The following SLC10A1 variants were observed in gnomAD, a reference collection of about 807,000 sequenced individuals.
SLC10A1 encodes the protein solute carrier family 10 member 1, also known as hepatic sodium/bile acid cotransporter.
SLC10A1 carries 36 observed loss-of-function variants against 20.5 expected under a neutral mutation model. That is an observed-to-expected ratio of 1.75 (90% CI 1.34 to 2.32). The LOEUF is 2.32. Among genes scored for constraint, SLC10A1 ranks in the 30% most tolerant of loss-of-function variants. The probability of loss-of-function intolerance (pLI) is 0.00; values close to 1 mark genes in which losing one functional copy is unlikely to be tolerated. For synonymous variants in SLC10A1, 188 were observed against 163.6 expected, an observed-to-expected ratio of 1.15 and a Z score of -1.14; for missense variants, 545 against 439.1, an observed-to-expected ratio of 1.24 and a Z score of -2.16.
intron 2 of SLC10A1, among the ~76,000 whole-genome samples, chr14:69,783,711 A>G (rs576922285): frequency 3.3e-5 from 5 of 152,304 alleles, no homozygotes; most frequent in African/African-American, 1.2e-4. Flanking sequence ...TCACATCTTC[A>G]CCCTCAGGTT....
In SLC10A1 at chr14:69,775,551, G is replaced by T. The variant is rs1457084884; in HGVS notation, c.*731C>A. On this transcript the variant is annotated 3_prime_UTR_variant, in exon 5 of 5. Transcript: ENST00000216540. ...CTGTACCCAGTTTTGGGGGCGCCTTGTGTTAAAACCAAATACCTACTGAAC... is the reference window on the plus strand; with the variant it reads ...CTGTACCCAGTTTTGGGGGCGCCTTTTGTTAAAACCAAATACCTACTGAAC... The T allele has an allele frequency of 1.3e-5, 2 of 152,182 alleles. No individual in the cohort carries two copies. Among genetic ancestry groups the T allele is most frequent in the Non-Finnish European group, 2.9e-5 (2 of 68,042 alleles). 9.4% of individuals were successfully genotyped at this position (152,182 alleles called of 1,614,324 possible). A position where few individuals can be genotyped will look rare whatever the true frequency, so the allele number is the denominator to read the frequency against.
At chr14:69,778,202 C>A (rs1883494087) in intron 4 of SLC10A1, 131 bp downstream of exon 4, 3 of 667,524 alleles carry the variant, frequency 4.5e-6, no homozygotes, top group Non-Finnish European at 7.5e-6. Flanking sequence ...CTTCTTGGGG[C>A]TACCTGGTTC....
In SLC10A1 at chr14:69,776,053, C is replaced by T. The variant is rs1883437777; in HGVS notation, c.*229G>A. The T allele has an allele frequency of 3.7e-6, 2 of 534,642 alleles. No individual in the cohort carries two copies. Among genetic ancestry groups the T allele is most frequent in the African/African-American group, 3.8e-5 (2 of 52,376 alleles). The allele number at this position is 534,642 out of a possible 1,614,324, so 33.1% of individuals were successfully genotyped here. ...TCTGGTTTCATAGAGTTTACAGTCA[C>T]TGAACAAGTCTTTAAAATAAGTAGC... is the stretch of plus-strand genomic sequence containing the variant. On this transcript the variant is annotated 3_prime_UTR_variant, in exon 5 of 5. Coordinates refer to ENST00000216540, the MANE Select transcript of SLC10A1 (RefSeq NM_003049.4).
At chr14:69,792,475 C>A (rs142237812) in intron 1 of SLC10A1, among the ~76,000 whole-genome samples, 1 of 152,132 alleles carries the variant, frequency 6.6e-6, no homozygotes, top group East Asian at 1.9e-4. Flanking sequence ...CCCATGAAAT[C>A]AAATTTAAAA....
At chr14:69,783,639 C>T (rs1436869056) in intron 2 of SLC10A1, among the ~76,000 whole-genome samples, 3 of 152,112 alleles carry the variant, frequency 2.0e-5, no homozygotes, top group Admixed American at 1.3e-4. Context: ...TTTAAACTAT[C>T]CTAGGGGGAA....
intron 2 of SLC10A1, 34 bp from the exon 3 acceptor site, chr14:69,779,394 A>T (rs1883536162): frequency 6.4e-7 from 1 of 1,572,994 alleles, no homozygotes; most frequent in South Asian, 1.1e-5. Context: ...CAATTAGAAG[A>T]GTTGGGGATA....
chr14:69,788,757 A>G (rs1224636819), intron 1 of SLC10A1, among the ~76,000 whole-genome samples: 1 of 152,070 alleles, frequency 6.6e-6, no homozygotes, highest in Non-Finnish European at 1.5e-5. Context: ...CGTGTTAGCC[A>G]GGATAGTCTC....
chr14:69,792,038 G>C (rs1331480864), intron 1 of SLC10A1, among the ~76,000 whole-genome samples: 1 of 150,962 alleles, frequency 6.6e-6, no homozygotes, highest in Non-Finnish European at 1.5e-5. Flanking sequence ...TGCAACCTCT[G>C]CCTCCTGGGT....
At position 69,786,149 on chromosome 14, in the gene SLC10A1, A is replaced by G. The variant is rs756182169; in HGVS notation, c.515T>C (p.Ile172Thr). Residue 172 changes from isoleucine to threonine, a missense_variant, in exon 2 of 5, where the codon ATA (isoleucine) becomes ACA (threonine). By Grantham distance (89) the Ile-to-Thr change is moderately conservative. Coordinates refer to ENST00000216540, the MANE Select transcript of SLC10A1 (RefSeq NM_003049.4). ...SLVLVLIPCT[I>T]GIVLKSKRPQ... ...CCGTTTGGATTTGAGGACGATCCCT[A>G]TGGTGCAAGGAATGAGAACCAGGAC... 1.8e-5 allele frequency: 29 copies of G among 1,613,984 alleles called. No individual in the cohort carries two copies. Among genetic ancestry groups the G allele is most frequent in the Middle Eastern group, 1.6e-4 (1 of 6,084 alleles).
At position 69,778,336 on chromosome 14, in the gene SLC10A1, T is replaced by C. The variant is rs72547506; in HGVS notation, c.940A>G (p.Lys314Glu). ...FWCYEKFKTP[K>E]DKTKMIYTAA... Reference sequence around the variant, plus strand: ...TGGGGATAATTTCAGTACTCACCCTTGGGAGTCTTGAATTTCTCATAGCAC... The same window carrying C: ...TGGGGATAATTTCAGTACTCACCCTCGGGAGTCTTGAATTTCTCATAGCAC... The change falls in exon 4 of 5, where the codon AAG (lysine) becomes GAG (glutamate). Residue 314 changes from lysine to glutamate, a missense_variant. By Grantham distance (56) the Lys-to-Glu change is moderately conservative. Coordinates refer to ENST00000216540, the MANE Select transcript of SLC10A1 (RefSeq NM_003049.4). The C allele has an allele frequency of 1.9e-6, 3 of 1,601,118 alleles. No individual in the cohort carries two copies. The highest frequency in any genetic ancestry group is 1.7e-5 in the Admixed American group (1 of 58,628).
chr14:69,775,564 A>G lies in SLC10A1; in HGVS notation c.*718T>C, dbSNP rs1883427297. ...TGGGGGCGCCTTGTGTTAAAACCAA[A>G]TACCTACTGAACTTAAAAAAGAGAT... On this transcript the variant is annotated 3_prime_UTR_variant, in exon 5 of 5. Coordinates refer to ENST00000216540, the MANE Select transcript of SLC10A1 (RefSeq NM_003049.4). 6.6e-6 allele frequency: 1 copy of G among 152,180 alleles called. No individual in the cohort carries two copies. The highest frequency in any genetic ancestry group is 6.5e-5 in the Admixed American group (1 of 15,282). 9.4% of individuals were successfully genotyped at this position (152,180 alleles called of 1,614,324 possible).
rs535616311 is a variant in SLC10A1 at position 69,786,090 on chromosome 14, T to C, written c.567+7A>G. 2.5e-6 allele frequency: 4 copies of C among 1,613,212 alleles called. No individual in the cohort carries two copies. The Admixed American group carries it at 5.0e-5, about 20-fold the overall frequency. On this transcript the variant is annotated splice_region_variant and intron_variant, in intron 2 of 4. Coordinates refer to ENST00000216540, the MANE Select transcript of SLC10A1 (RefSeq NM_003049.4). Reference sequence around the variant, plus strand: ...GCCCTAATTTGTCAAGCCTCCCAGGTTCTTACCTTGATGACATAGCGCATG... The same window carrying C: ...GCCCTAATTTGTCAAGCCTCCCAGGCTCTTACCTTGATGACATAGCGCATG...
intron 2 of SLC10A1, among the ~76,000 whole-genome samples, chr14:69,785,540 A>C (rs1252038063): frequency 1.3e-5 from 2 of 148,920 alleles, no homozygotes; most frequent in African/African-American, 5.0e-5. Context: ...TTGCGTGTAC[A>C]CTGGAATTGG....
intron 4 of SLC10A1, among the ~76,000 whole-genome samples, chr14:69,777,354 A>G (rs1288169906): frequency 6.6e-6 from 1 of 152,162 alleles, no homozygotes; most frequent in Non-Finnish European, 1.5e-5. Context: ...GGGAGAGAGA[A>G]TCGGCATTTG....
chr14:69,787,998 T>C (rs762544165), intron 1 of SLC10A1, among the ~76,000 whole-genome samples: 1 of 152,014 alleles, frequency 6.6e-6, no homozygotes, highest in Admixed American at 6.6e-5. Flanking sequence ...AGGTTGAGGT[T>C]ACAGTGAGCT....
chr14:69,785,810 T>C (rs1009264399), intron 2 of SLC10A1, among the ~76,000 whole-genome samples: 10 of 150,982 alleles, frequency 6.6e-5, no homozygotes, highest in Non-Finnish European at 1.5e-4. Flanking sequence ...GGTTTCGTCA[T>C]GTTGGTCAGG....
At chr14:69,779,468 C>T in intron 2 of SLC10A1, 108 bp from the exon 3 acceptor site, 1 of 771,258 alleles carries the variant, frequency 1.3e-6, no homozygotes, top group South Asian at 2.1e-5. Context: ...CAATAAAACA[C>T]TGGAAGTGGA....
At chr14:69,780,585 C>T (rs902654070) in intron 2 of SLC10A1, among the ~76,000 whole-genome samples, 5 of 152,184 alleles carry the variant, frequency 3.3e-5, no homozygotes, top group African/African-American at 1.2e-4. Context: ...GTCCTAACGA[C>T]ATTTTAACAT....
At chr14:69,783,726 C>T (rs1883650087) in intron 2 of SLC10A1, among the ~76,000 whole-genome samples, 1 of 152,114 alleles carries the variant, frequency 6.6e-6, no homozygotes, top group Admixed American at 6.5e-5. Context: ...CAGGTTAGAA[C>T]TGGGTGAGGA....
Sources: allele counts gnomAD v4.1 joint callset (sites outside exome capture counted in the v4.1 genomes callset), GRCh38; gene constraint gnomAD v4.1.1; transcripts MANE v1.5; gene names NCBI Gene and HGNC (gene_info 2026-07-23, HGNC 2026-07-21).